DCPH1: variants seen among roughly 807,000 people sequenced by gnomAD.
DCPH1 encodes damage-control phosphatase 1.
chr6:151,460,143 G>T, the DCPH1 span, among the ~76,000 whole-genome samples: 2 of 152,036 alleles, frequency 1.3e-5, no homozygotes, highest in Non-Finnish European at 2.9e-5. Flanking sequence ...ACAGTGGCGC[G>T]ATCTTGGCTT....
At chr6:151,455,801 C>T in the DCPH1 span, among the ~76,000 whole-genome samples, 16 of 152,322 alleles carry the variant, frequency 1.1e-4, no homozygotes, top group African/African-American at 2.2e-4. Flanking sequence ...TCCCTTCCCA[C>T]GAGGCCATAT....
the DCPH1 span, chr6:151,468,276 G>T: frequency 1.9e-6 from 2 of 1,076,314 alleles, no homozygotes; most frequent in Non-Finnish European, 2.7e-6. Context: ...CCCCCATCCC[G>T]CTACATAATG....
the DCPH1 span, chr6:151,468,732 G>A: frequency 3.2e-5 from 51 of 1,614,008 alleles, no homozygotes; most frequent in Admixed American, 2.8e-4. Flanking sequence ...CCAAGTGTGG[G>A]GCTGACTGGG....
the DCPH1 span, among the ~76,000 whole-genome samples, chr6:151,453,046 C>T: frequency 6.6e-6 from 1 of 152,282 alleles, no homozygotes; most frequent in African/African-American, 2.4e-5. Flanking sequence ...GGTGACCGTG[C>T]AAATAACATC....
chr6:151,457,438 T>C, the DCPH1 span, among the ~76,000 whole-genome samples: 2 of 152,200 alleles, frequency 1.3e-5, no homozygotes, highest in Non-Finnish European at 2.9e-5. Flanking sequence ...TTGGAATTTA[T>C]AGTTAAAGAG....
At chr6:151,458,011 G>A in the DCPH1 span, among the ~76,000 whole-genome samples, 1 of 152,130 alleles carries the variant, frequency 6.6e-6, no homozygotes. Context: ...TGGTGTCAAT[G>A]GTGAAAGAAG....
At chr6:151,452,487 C>G in the DCPH1 span, 1 of 1,592,712 alleles carries the variant, frequency 6.3e-7, no homozygotes, top group Non-Finnish European at 8.6e-7. Context: ...GCGGCGGTAC[C>G]GCCTCTGTTT....
the DCPH1 span, chr6:151,468,585 C>T: frequency 6.2e-7 from 1 of 1,614,094 alleles, no homozygotes; most frequent in Non-Finnish European, 8.5e-7. Context: ...TATTAGCCGA[C>T]TTCTTGTTGT....
At chr6:151,468,936 A>T in the DCPH1 span, 1 of 1,614,164 alleles carries the variant, frequency 6.2e-7, no homozygotes, top group South Asian at 1.1e-5. Context: ...TTTCTGTTCC[A>T]TTTCATCAGG....
the DCPH1 span, among the ~76,000 whole-genome samples, chr6:151,462,401 GTTT>G: frequency 1.3e-5 from 2 of 152,014 alleles, no homozygotes; most frequent in African/African-American, 4.8e-5. Context: ...AGTTTTGCCT[GTTT>G]TTTAACTTTA....
At chr6:151,459,239 A>T in the DCPH1 span, among the ~76,000 whole-genome samples, 2 of 152,224 alleles carry the variant, frequency 1.3e-5, no homozygotes, top group African/African-American at 4.8e-5. Context: ...AATTTGAAAT[A>T]GTTACATTTA....
At chr6:151,467,268 A>G in the DCPH1 span, among the ~76,000 whole-genome samples, 1 of 150,390 alleles carries the variant, frequency 6.6e-6, no homozygotes, top group East Asian at 2.0e-4. Context: ...AAAAAACAAA[A>G]CCCTATTGGT....
the DCPH1 span, among the ~76,000 whole-genome samples, chr6:151,460,898 A>G: frequency 1.3e-5 from 2 of 152,314 alleles, no homozygotes; most frequent in Non-Finnish European, 2.9e-5. Context: ...GCAATGTTCT[A>G]GTGACTGTGC....
At chr6:151,453,070 C>G in the DCPH1 span, among the ~76,000 whole-genome samples, 1 of 152,164 alleles carries the variant, frequency 6.6e-6, no homozygotes, top group Non-Finnish European at 1.5e-5. Context: ...TTGCATAAAT[C>G]GAATGGCCAA....
chr6:151,457,880 T>C, the DCPH1 span, among the ~76,000 whole-genome samples: 1 of 152,148 alleles, frequency 6.6e-6, no homozygotes, highest in Non-Finnish European at 1.5e-5. Flanking sequence ...GAGATAATAT[T>C]GTAGTGCCTT....
At chr6:151,460,205 G>A in the DCPH1 span, among the ~76,000 whole-genome samples, 1 of 151,852 alleles carries the variant, frequency 6.6e-6, no homozygotes, top group East Asian at 2.0e-4. Context: ...TCAGCCTCCC[G>A]AGTAGCTGGG....
the DCPH1 span, chr6:151,458,245 T>C: frequency 6.7e-7 from 1 of 1,496,056 alleles, no homozygotes; most frequent in Non-Finnish European, 8.9e-7. Context: ...TCTTTTCTTC[T>C]TAAGTCTGTA....
At chr6:151,456,059 G>A in the DCPH1 span, among the ~76,000 whole-genome samples, 1 of 152,196 alleles carries the variant, frequency 6.6e-6, no homozygotes, top group African/African-American at 2.4e-5. Flanking sequence ...TTGGGGGTAA[G>A]GTTATAGATT....
At chr6:151,460,305 C>A in the DCPH1 span, among the ~76,000 whole-genome samples, 196 of 151,748 alleles carry the variant, frequency 1.3e-3, no homozygotes, top group Non-Finnish European at 2.4e-3. Context: ...GCCAGGCTGG[C>A]CTTGAACTCC....
Sources: gnomAD v4.1 joint callset for allele counts (sites outside exome capture counted in the v4.1 genomes callset) on GRCh38, gnomAD v4.1.1 for gene constraint, MANE v1.5 for transcripts, NCBI Gene and HGNC (gene_info 2026-07-23, HGNC 2026-07-21) for gene names.